DNAH3: variants seen among roughly 807,000 people sequenced by gnomAD.
DNAH3 encodes the protein axonemal beta dynein heavy chain 3.
A neutral mutation model predicts 432.5 loss-of-function variants in DNAH3; 332 were observed. The observed-to-expected ratio is 0.77, with a 90% CI of 0.70 to 0.84. The LOEUF (loss-of-function observed/expected upper bound fraction) is 0.84. Among genes scored for constraint, DNAH3 ranks in the 40% least tolerant of loss-of-function variants. The pLI is 0.00. For missense variants in DNAH3, 4,861 were observed against 5,114.0 expected (o/e 0.95, Z 1.51); for synonymous variants, 1,956 against 1,900.2 (o/e 1.03, Z -0.76).
At chr16:20,989,072 G>A (rs374725142) in intron 44 of DNAH3, among the ~76,000 whole-genome samples, 48 of 152,302 alleles carry the variant, frequency 3.2e-4, no homozygotes, top group African/African-American at 1.1e-3. Context: ...AAGAGCGAAA[G>A]AACAAAGCTT....
rs1175317611 is a variant in DNAH3 at position 21,031,052 on chromosome 16, T to C, written c.5432A>G (p.Asn1811Ser). 14 of 1,614,218 alleles carry C rather than the reference T, an allele frequency of 8.7e-6. No individual in the cohort carries two copies. Among genetic ancestry groups the C allele is most frequent in the Non-Finnish European group, 1.2e-5 (14 of 1,180,016 alleles). ...ATCAGGGTCAATACTTACCTTTTTA[T>C]TGTCATCCAGAACAGTGTTCATATT... is the stretch of plus-strand genomic sequence containing the variant. The change falls in exon 37 of 62, where the codon AAT (asparagine) becomes AGT (serine). Residue 1811 changes from asparagine to serine, a missense_variant. Transcript: ENST00000261383.
chr16:21,024,641 G>A (rs1230196050), exon 39 of DNAH3: 40 of 1,613,390 alleles, frequency 2.5e-5, no homozygotes, highest in Non-Finnish European at 3.3e-5. Flanking sequence ...GGGTGTCCAT[G>A]TAGGAATCCT....
At chr16:21,134,984 G>A (rs558752249) in intron 6 of DNAH3, among the ~76,000 whole-genome samples, 1 of 152,234 alleles carries the variant, frequency 6.6e-6, no homozygotes, top group African/African-American at 2.4e-5. Context: ...TAGCACACCT[G>A]GCCTTAGCTT....
chr16:21,039,718 A>G, intron 33 of DNAH3, 134 bp downstream of exon 33: 2 of 765,070 alleles, frequency 2.6e-6, no homozygotes, highest in Non-Finnish European at 4.7e-6. Context: ...GTGCTCTCAG[A>G]CCACCCAGTA....
chr16:21,097,074 T>C (rs753015760), intron 18 of DNAH3, among the ~76,000 whole-genome samples: 1 of 152,142 alleles, frequency 6.6e-6, no homozygotes, highest in Non-Finnish European at 1.5e-5. Context: ...AGCAGCACCA[T>C]CGTGAAACTG....
At chr16:20,960,761 G>A (rs924702515) in intron 53 of DNAH3, among the ~76,000 whole-genome samples, 22 of 152,180 alleles carry the variant, frequency 1.4e-4, no homozygotes, top group African/African-American at 5.1e-4. Context: ...CTGACCCAAG[G>A]AAAAGACATG....
intron 21 of DNAH3, among the ~76,000 whole-genome samples, chr16:21,073,262 T>G (rs1178781957): frequency 6.6e-6 from 1 of 152,220 alleles, no homozygotes; most frequent in South Asian, 2.1e-4. Flanking sequence ...TGATCCCCAT[T>G]TAGCTACTGA....
At chr16:21,002,641 A>G (rs2087082749) in intron 42 of DNAH3, among the ~76,000 whole-genome samples, 1 of 151,938 alleles carries the variant, frequency 6.6e-6, no homozygotes, top group South Asian at 2.1e-4. Context: ...TTGTATTTTT[A>G]GTAGAGATGC....
exon 41 of DNAH3, chr16:21,019,752 C>T (rs1157619118): frequency 3.1e-6 from 5 of 1,614,024 alleles, no homozygotes; most frequent in Non-Finnish European, 4.2e-6. Context: ...GTTGATGGTG[C>T]CAGCCACGGT....
chr16:21,119,721 C>T (rs1364467855), intron 11 of DNAH3, among the ~76,000 whole-genome samples: 3 of 151,500 alleles, frequency 2.0e-5, no homozygotes, highest in African/African-American at 4.9e-5. Context: ...CTCAGCCTCC[C>T]GAGTAGCTGG....
At chr16:21,102,710 G>A (rs2091864641) in intron 16 of DNAH3, among the ~76,000 whole-genome samples, 1 of 151,970 alleles carries the variant, frequency 6.6e-6, no homozygotes, top group African/African-American at 2.4e-5. Context: ...TAAAATAAAA[G>A]TTAAAATATA....
At chr16:21,058,086 C>T in exon 27 of DNAH3, 2 of 1,558,652 alleles carry the variant, frequency 1.3e-6, no homozygotes, top group South Asian at 1.1e-5. Context: ...GTTCACTTAC[C>T]AGTAAGGTAT....
At chr16:21,090,702 A>C (rs1380304252) in intron 18 of DNAH3, among the ~76,000 whole-genome samples, 1 of 152,216 alleles carries the variant, frequency 6.6e-6, no homozygotes, top group East Asian at 1.9e-4. Flanking sequence ...ATTTCATAGA[A>C]ACAGAGAGTA....
At chr16:21,117,133 G>T in intron 12 of DNAH3, 70 bp downstream of exon 12, 2 of 1,016,946 alleles carry the variant, frequency 2.0e-6, no homozygotes, top group Non-Finnish European at 3.0e-6. Flanking sequence ...ATACCTTATT[G>T]GATGAGAGTT....
In DNAH3 at chr16:20,964,448, T is replaced by C. The variant is rs1386305487; in HGVS notation, c.9436A>G (p.Thr3146Ala). Residue 3146 changes from threonine (T) to alanine (A), a missense_variant, in exon 53 of 62, where the codon ACA becomes GCA. Physicochemically the swap from Thr to Ala is moderately conservative, Grantham distance 58 (BLOSUM62 0). Coordinates refer to ENST00000261383, the Ensembl canonical transcript of DNAH3. ...TACTCAACTCCTTGCTGTTTGAATG[T>C]TGCCTTGAGCAAGATAGGTTCGATA... The C allele has an allele frequency of 4.3e-6, 7 of 1,614,112 alleles. No homozygotes were observed. Among genetic ancestry groups the C allele is most frequent in the Non-Finnish European group, 5.9e-6 (7 of 1,180,046 alleles).
chr16:20,979,323 T>C lies in DNAH3; in HGVS notation c.8076+7A>G. ...CTTTGTCTCTGTTCTGTTTTGGCAG[T>C]GCTCACCTGAGAAGCTGCAAAGTCG... On this transcript the variant is annotated splice_region_variant and intron_variant, in intron 50 of 61. Coordinates refer to ENST00000261383, the Ensembl canonical transcript of DNAH3. 6.2e-7 allele frequency: 1 copy of C among 1,613,626 alleles called. No individual in the cohort carries two copies. The highest frequency in any genetic ancestry group is 8.5e-7 in the Non-Finnish European group (1 of 1,179,948).
At chr16:20,963,845 T>C in exon 53 of DNAH3, 1 of 1,614,048 alleles carries the variant, frequency 6.2e-7, no homozygotes, top group Non-Finnish European at 8.5e-7. Context: ...ATGATGTACT[T>C]GATGCGCAGA....
At chr16:21,117,097 A>T in intron 12 of DNAH3, 106 bp downstream of exon 12, 1 of 699,678 alleles carries the variant, frequency 1.4e-6, no homozygotes, top group Non-Finnish European at 2.5e-6. Flanking sequence ...CTTACTATGT[A>T]TGTGTTCAGG....
At chr16:20,998,764 G>C (rs1465210139) in intron 43 of DNAH3, among the ~76,000 whole-genome samples, 9 of 119,530 alleles carry the variant, frequency 7.5e-5, no homozygotes, top group Non-Finnish European at 1.1e-4. Context: ...AAAAAAAAAA[G>C]GGGGGGGCTC....
Sources: allele counts gnomAD v4.1 joint callset (sites outside exome capture counted in the v4.1 genomes callset), GRCh38; gene constraint gnomAD v4.1.1; transcripts MANE v1.5; gene names NCBI Gene and HGNC (gene_info 2026-07-23, HGNC 2026-07-21).